The following MCF2L variants were observed in gnomAD, a reference collection of about 807,000 sequenced individuals.
The protein encoded by MCF2L is guanine nucleotide exchange factor DBS.
Under a neutral mutation model 153.4 loss-of-function variants are expected in MCF2L, and 97 were observed. The ratio of observed to expected loss-of-function variants is 0.63; its 90% CI spans 0.54 to 0.75. The LOEUF (loss-of-function observed/expected upper bound fraction) is 0.75. Among genes scored for constraint, MCF2L ranks in the 30% least tolerant of loss-of-function variants. The pLI is 0.00. For missense variants in MCF2L, 1,347 were observed against 1,495.2 expected (o/e 0.90, Z 1.64); for synonymous variants, 659 against 632.2 (o/e 1.04, Z -0.64).
intron 1 of MCF2L, among the ~76,000 whole-genome samples, chr13:112,894,768 CG>C (rs1566622488): frequency 6.6e-6 from 1 of 152,118 alleles, no homozygotes; most frequent in African/African-American, 2.4e-5. Flanking sequence ...ACCCCCTGGA[CG>C]GGCTTCTGCC....
Position 112,969,240 on chromosome 13 carries a change from G to C in MCF2L, c.-140G>C, listed in dbSNP as rs955535537. The C allele has an allele frequency of 7.4e-7, 1 of 1,346,054 alleles. No individual in the cohort carries two copies. Among genetic ancestry groups the C allele is most frequent in the African/African-American group, 1.5e-5 (1 of 66,024 alleles). 83.4% of individuals were successfully genotyped at this position (1,346,054 alleles called of 1,614,324 possible). A position where few individuals can be genotyped will look rare whatever the true frequency, so the allele number is the denominator to read the frequency against. On this transcript the variant is annotated 5_prime_UTR_variant, in exon 1 of 30. Transcript: ENST00000535094. This position sits in a 1 kb window ranked among gnomAD's most constrained non-coding sequence, Gnocchi z 4.8. ...CGGAACCAATCCTGGGCAGGGAGGC[G>C]GCGGCTGGAGGCTGAAAGCGCTGCC...
intron 2 of MCF2L, among the ~76,000 whole-genome samples, chr13:112,963,703 G>A (rs578093228): frequency 1.9e-4 from 29 of 152,336 alleles, no homozygotes; most frequent in Non-Finnish European, 2.8e-4. Flanking sequence ...TAGGGCCGCT[G>A]CCTCTGCAGA....
intron 13 of MCF2L, among the ~76,000 whole-genome samples, chr13:113,077,834 G>A (rs892985524): frequency 4.6e-5 from 7 of 152,318 alleles, no homozygotes; most frequent in South Asian, 2.1e-4. Flanking sequence ...CCCACCAGGC[G>A]AGCTGCTGCC....
intron 2 of MCF2L, among the ~76,000 whole-genome samples, chr13:112,926,257 C>G (rs12428705): frequency 0.19 from 26,763 of 144,128 alleles, 2,616 homozygotes; most frequent in African/African-American, 0.26. Context: ...GCGGAGTGCA[C>G]TATGGCCTGG....
rs765857841 is a variant in MCF2L at position 113,044,832 on chromosome 13, G to A, written c.279-439G>A. ...CCCAGCACCGTAGCCATGCCACCACGAGTGAATCCTTAACGTGGACCAGCA... is the reference window on the plus strand; with the variant it reads ...CCCAGCACCGTAGCCATGCCACCACAAGTGAATCCTTAACGTGGACCAGCA... On this transcript the variant is annotated intron_variant, in intron 3 of 29. Coordinates refer to ENST00000535094, the MANE Select transcript of MCF2L (RefSeq NM_001112732.3). The A allele has an allele frequency of 3.7e-5, 60 of 1,612,806 alleles. 1 individual carries two copies. Among genetic ancestry groups the A allele is most frequent in the African/African-American group, 2.4e-4 (18 of 74,946 alleles).
At chr13:112,928,503 A>G (rs1594340894) in intron 2 of MCF2L, among the ~76,000 whole-genome samples, 1 of 152,200 alleles carries the variant, frequency 6.6e-6, no homozygotes, top group Admixed American at 6.5e-5. Context: ...CAAAGATGCT[A>G]TCTAAATGGA....
chr13:112,934,941 A>G (rs2081500465), intron 2 of MCF2L, among the ~76,000 whole-genome samples: 1 of 152,226 alleles, frequency 6.6e-6, no homozygotes, highest in African/African-American at 2.4e-5. Context: ...GTTAGTGTTC[A>G]TGTTCCCCAA....
rs772593479 is a variant in MCF2L at position 113,077,229 on chromosome 13, G to C, written c.1660+18G>C. On this transcript the variant is annotated intron_variant, in intron 13 of 29. Transcript: ENST00000535094. ...CTCCCCAGGTCTGTGTGGCCGCCCGGTGCCCCGGGTGCTGTGGGACCCTCG... is the reference window on the plus strand; with the variant it reads ...CTCCCCAGGTCTGTGTGGCCGCCCGCTGCCCCGGGTGCTGTGGGACCCTCG... 3 of 1,521,150 alleles carry C rather than the reference G, an allele frequency of 2.0e-6. No homozygotes were observed. The highest frequency in any genetic ancestry group is 2.7e-6 in the Non-Finnish European group (3 of 1,130,002). The allele number at this position is 1,521,150 out of a possible 1,614,324, so 94.2% of individuals were successfully genotyped here.
In MCF2L at chr13:113,098,131, G is replaced by A. The variant is rs1566898042; in HGVS notation, c.*1272G>A. 1 of 152,448 alleles carries A rather than the reference G, an allele frequency of 6.6e-6. No homozygotes were observed. Among genetic ancestry groups the A allele is most frequent in the Non-Finnish European group, 1.5e-5 (1 of 68,048 alleles). 9.4% of individuals were successfully genotyped at this position (152,448 alleles called of 1,614,324 possible). ...TGGAAAGGACATATTCGCTGTCCCC[G>A]TGCTGCTGGGAGGGCCGCCTCACAG... On this transcript the variant is annotated 3_prime_UTR_variant, in exon 30 of 30. Coordinates refer to ENST00000535094, the MANE Select transcript of MCF2L (RefSeq NM_001112732.3).
intron 4 of MCF2L, among the ~76,000 whole-genome samples, chr13:113,058,211 C>A (rs2030600840): frequency 7.0e-6 from 1 of 142,064 alleles, no homozygotes; most frequent in African/African-American, 2.7e-5. Context: ...TTTTTGGGCG[C>A]TGTGTGTTTG....
rs2081602385 is a variant in MCF2L at position 112,943,741 on chromosome 13, C to T, written c.169+41370C>T. Among the ~76,000 whole-genome samples the T allele has an allele frequency of 6.6e-6, 1 of 151,990 alleles. No homozygotes were observed. The highest frequency in any genetic ancestry group is 1.5e-5 in the Non-Finnish European group (1 of 67,974). Reference sequence around the variant, plus strand: ...GGAGCCCGAGCAGCCTGCGGTGGCTCGGCTCGGGCCGGCGGAGATCTGGGA... The same window carrying T: ...GGAGCCCGAGCAGCCTGCGGTGGCTTGGCTCGGGCCGGCGGAGATCTGGGA... On this transcript the variant is annotated intron_variant, in intron 2 of 29. Coordinates refer to the MCF2L transcript ENST00000375608. The surrounding 1 kb of genome is among the most constrained non-coding windows in gnomAD (Gnocchi z 4.2).
At chr13:112,962,766 G>A (rs1245925872) in intron 2 of MCF2L, among the ~76,000 whole-genome samples, 1 of 152,172 alleles carries the variant, frequency 6.6e-6, no homozygotes, top group Non-Finnish European at 1.5e-5. Flanking sequence ...TGAGGAAGGA[G>A]CCCCCCGTGT....
chr13:112,944,749 G>A (rs2081619339), intron 2 of MCF2L, among the ~76,000 whole-genome samples: 1 of 152,120 alleles, frequency 6.6e-6, no homozygotes, highest in African/African-American at 2.4e-5. Flanking sequence ...GCCTCCCAAA[G>A]TGCTGGGATT....
At chr13:112,942,190 C>T (rs868460727) in intron 2 of MCF2L, among the ~76,000 whole-genome samples, 6 of 152,228 alleles carry the variant, frequency 3.9e-5, no homozygotes, top group Admixed American at 1.3e-4. Context: ...TCAGTGGTCA[C>T]GCTTCATGTT....
chr13:112,962,114 C>T (rs765490506), intron 2 of MCF2L, among the ~76,000 whole-genome samples: 10 of 21,896 alleles, frequency 4.6e-4, no homozygotes, highest in South Asian at 1.6e-3. Context: ...CGCACGGACA[C>T]GCACATGCAT....
At chr13:112,915,132 G>C (rs565737265) in intron 2 of MCF2L, among the ~76,000 whole-genome samples, 1 of 151,946 alleles carries the variant, frequency 6.6e-6, no homozygotes, top group African/African-American at 2.4e-5. Context: ...CATGTTGGCC[G>C]GGCGTGGTGG....
intron 2 of MCF2L, among the ~76,000 whole-genome samples, chr13:112,921,113 C>G (rs777756835): frequency 7.9e-5 from 12 of 151,894 alleles, no homozygotes; most frequent in Non-Finnish European, 1.0e-4. Context: ...GGAGGCAGAG[C>G]TTGCAGTGAG....
chr13:112,979,642 A>T (rs763433962), intron 1 of MCF2L: 1 of 1,612,672 alleles, frequency 6.2e-7, no homozygotes, highest in Non-Finnish European at 8.5e-7. Flanking sequence ...TCCGCTTTGT[A>T]GCAGCCTTTG....
intron 1 of MCF2L, chr13:112,985,569 C>G: frequency 4.6e-6 from 2 of 432,908 alleles, no homozygotes; most frequent in South Asian, 3.3e-5. Flanking sequence ...TGGAGGTGCC[C>G]TCTGTGGATG....
Sources: gnomAD v4.1 joint callset for allele counts (sites outside exome capture counted in the v4.1 genomes callset) on GRCh38, gnomAD v4.1.1 for gene constraint, Gnocchi (gnomAD v3.1) non-coding constraint, MANE v1.5 for transcripts, NCBI Gene and HGNC (gene_info 2026-07-23, HGNC 2026-07-21) for gene names.